Variants in ULK4 observed in about 807,000 individuals in gnomAD.
ULK4 encodes inactive serine/threonine-protein kinase ULK4.
In ULK4, 133 loss-of-function variants were observed where a neutral mutation model predicts 160.6. That is an observed-to-expected ratio of 0.83 (90% CI 0.72 to 0.96). ULK4 has a LOEUF of 0.96. Ranked by LOEUF, ULK4 falls within the 40% of genes least tolerant of loss-of-function variation. ULK4 has a pLI of 0.00. For missense variants in ULK4, 1,580 were observed against 1,499.5 expected (o/e 1.05, Z -0.89); for synonymous variants, 534 against 539.8 (o/e 0.99, Z 0.15).
intron 22 of ULK4, among the ~76,000 whole-genome samples, chr3:41,737,657 C>A (rs1225977799): frequency 6.6e-6 from 1 of 151,824 alleles, no homozygotes; most frequent in Non-Finnish European, 1.5e-5. Context: ...TGTTGTTTTC[C>A]CCCATGCAGA....
intron 32 of ULK4, among the ~76,000 whole-genome samples, chr3:41,483,342 T>C (rs1363461306): frequency 1.3e-5 from 2 of 152,216 alleles, no homozygotes; most frequent in African/African-American, 4.8e-5. Flanking sequence ...CAAGATTTTT[T>C]TAGTTTTAGG....
chr3:41,651,873 C>A (rs528175171), intron 30 of ULK4, among the ~76,000 whole-genome samples: 1 of 152,170 alleles, frequency 6.6e-6, no homozygotes, highest in Non-Finnish European at 1.5e-5. Context: ...CCAACATAAG[C>A]ATGCACTGAG....
At chr3:41,261,461 T>A (rs6599146) in intron 35 of ULK4, among the ~76,000 whole-genome samples, 34,510 of 152,006 alleles carry the variant, frequency 0.23, 7,049 homozygotes, top group African/African-American at 0.54. Context: ...CACTCATCCC[T>A]TGAGACCACG....
chr3:41,417,175 C>T (rs2082546775), intron 34 of ULK4, among the ~76,000 whole-genome samples: 1 of 152,136 alleles, frequency 6.6e-6, no homozygotes, highest in Admixed American at 6.5e-5. Context: ...CTGTTCTGCA[C>T]AGCACTTGTT....
chr3:41,654,968 C>T (rs1428717068), intron 30 of ULK4, among the ~76,000 whole-genome samples: 2 of 152,140 alleles, frequency 1.3e-5, no homozygotes, highest in African/African-American at 4.8e-5. Flanking sequence ...TCAATATACA[C>T]AGGCAGCTTG....
At chr3:41,518,196 G>A (rs546038687) in intron 32 of ULK4, among the ~76,000 whole-genome samples, 29 of 152,310 alleles carry the variant, frequency 1.9e-4, no homozygotes, top group Non-Finnish European at 4.0e-4. Flanking sequence ...ACCTAGAGAA[G>A]AAGACTGGAT....
At chr3:41,523,499 AAATTT>A (rs1381105340) in intron 32 of ULK4, among the ~76,000 whole-genome samples, 7 of 152,190 alleles carry the variant, frequency 4.6e-5, no homozygotes, top group Non-Finnish European at 8.8e-5. Context: ...CTAAAATGGT[AAATTT>A]TATTTTATAT....
intron 35 of ULK4, among the ~76,000 whole-genome samples, chr3:41,355,641 C>T (rs994050639): frequency 3.3e-5 from 5 of 152,182 alleles, no homozygotes; most frequent in African/African-American, 4.8e-5. Flanking sequence ...TATTCTTATA[C>T]TGCATCACAG....
chr3:41,856,601 A>ATGTGTATATATATACACATATATATATG (rs1559611360), intron 17 of ULK4, among the ~76,000 whole-genome samples: 6 of 85,522 alleles, frequency 7.0e-5, no homozygotes, highest in Admixed American at 2.2e-4. Flanking sequence ...ATATATATAT[A>ATGTGTATATATATACACATATATATATG]TGTGTATATA....
chr3:41,853,685 A>G (rs73081335), intron 17 of ULK4, among the ~76,000 whole-genome samples: 18,826 of 152,144 alleles, frequency 0.12, 1,348 homozygotes, highest in Middle Eastern at 0.27. Context: ...CCTATTCACA[A>G]GCCAAAGCAA....
intron 35 of ULK4, among the ~76,000 whole-genome samples, chr3:41,293,949 AAC>A (rs1207816150): frequency 1.2e-4 from 19 of 152,340 alleles, no homozygotes; most frequent in African/African-American, 4.1e-4. Flanking sequence ...CAGTAAAGAG[AAC>A]AGTGTGAACC....
At chr3:41,571,283 T>A (rs915945517) in intron 31 of ULK4, among the ~76,000 whole-genome samples, 6 of 152,116 alleles carry the variant, frequency 3.9e-5, no homozygotes, top group African/African-American at 1.4e-4. Context: ...GTTCTCTAGG[T>A]GAAATAAGAG....
intron 35 of ULK4, among the ~76,000 whole-genome samples, chr3:41,383,543 G>T (rs1290221398): frequency 6.6e-6 from 1 of 152,192 alleles, no homozygotes; most frequent in Non-Finnish European, 1.5e-5. Flanking sequence ...AGCAAAAGCT[G>T]CACGGTTAAG....
intron 32 of ULK4, among the ~76,000 whole-genome samples, chr3:41,487,158 T>C (rs1690130987): frequency 6.8e-6 from 1 of 148,032 alleles, no homozygotes; most frequent in Non-Finnish European, 1.5e-5. Context: ...TGATCAGAAA[T>C]GTGAGACCTA....
At chr3:41,682,594 A>G (rs575931757) in intron 27 of ULK4, among the ~76,000 whole-genome samples, 1 of 152,354 alleles carries the variant, frequency 6.6e-6, no homozygotes, top group African/African-American at 2.4e-5. Context: ...AAGAATCTCC[A>G]TATGTGGCTG....
chr3:41,575,906 G>A (rs1048325760), intron 31 of ULK4, among the ~76,000 whole-genome samples: 8 of 152,292 alleles, frequency 5.3e-5, no homozygotes, highest in Middle Eastern at 3.4e-3. Context: ...CCTATGCCTC[G>A]AGGCAGAAGC....
intron 17 of ULK4, among the ~76,000 whole-genome samples, chr3:41,842,191 A>T (rs900989174): frequency 2.2e-4 from 21 of 95,946 alleles, no homozygotes; most frequent in East Asian, 1.8e-3. Context: ...AAAAAAAAAT[A>T]AAAAAAAAGA....
Position 41,663,565 on chromosome 3 carries a change from T to G in ULK4, c.3071+42A>C, listed in dbSNP as rs201506294. On this transcript the variant is annotated intron_variant, in intron 30 of 36. Transcript: ENST00000301831. Reference sequence around the variant, plus strand: ...TTTTCACAACACATAAAATTCATTTTATAGGTGAGACACAAGAAAAAGAAA... The same window carrying G: ...TTTTCACAACACATAAAATTCATTTGATAGGTGAGACACAAGAAAAAGAAA... The G allele has an allele frequency of 6.6e-6, 10 of 1,526,046 alleles. No homozygotes were observed. The East Asian group carries it at 2.3e-4, about 34-fold the overall frequency. 94.5% of individuals were successfully genotyped at this position (1,526,046 alleles called of 1,614,324 possible). A position where few individuals can be genotyped will look rare whatever the true frequency, so the allele number is the denominator to read the frequency against.
chr3:41,916,841 C>T (rs764620052), intron 7 of ULK4, among the ~76,000 whole-genome samples: 3 of 151,164 alleles, frequency 2.0e-5, no homozygotes, highest in Non-Finnish European at 2.9e-5. Flanking sequence ...CCAAGTAGCT[C>T]GGATTACAGG....
Sources: allele counts gnomAD v4.1 joint callset (sites outside exome capture counted in the v4.1 genomes callset), GRCh38; gene constraint gnomAD v4.1.1; transcripts MANE v1.5; gene names NCBI Gene and HGNC (gene_info 2026-07-23, HGNC 2026-07-21).